Variants in ACACA observed in about 807,000 individuals in gnomAD.
ACACA encodes acetyl-CoA carboxylase 1.
In ACACA, 103 loss-of-function variants were observed where a neutral mutation model predicts 296.1. The ratio of observed to expected loss-of-function variants is 0.35; its 90% CI spans 0.30 to 0.41. ACACA has a LOEUF of 0.41. Ranked by LOEUF, ACACA falls within the 10% of genes least tolerant of loss-of-function variation. The pLI, the probability that ACACA is intolerant of heterozygous loss-of-function variation, is 1.00. For synonymous variants in ACACA, 953 were observed against 1,038.6 expected, an observed-to-expected ratio of 0.92 and a Z score of 1.58; for missense variants, 1,554 against 2,989.7, an observed-to-expected ratio of 0.52 and a Z score of 11.20.
intron 39 of ACACA, among the ~76,000 whole-genome samples, chr17:37,182,224 G>T (rs2144892168): frequency 6.6e-6 from 1 of 152,180 alleles, no homozygotes; most frequent in African/African-American, 2.4e-5. Context: ...AGGCTTCAAA[G>T]ATTTCTGCCA....
At chr17:37,308,919 T>C (rs2084004287) in intron 3 of ACACA, among the ~76,000 whole-genome samples, 1 of 152,082 alleles carries the variant, frequency 6.6e-6, no homozygotes, top group South Asian at 2.1e-4. Flanking sequence ...TAAAATAAAA[T>C]AAAAATGAAA....
At chr17:37,166,066 C>T (rs1455203185) in intron 41 of ACACA, among the ~76,000 whole-genome samples, 3 of 152,162 alleles carry the variant, frequency 2.0e-5, no homozygotes, top group Non-Finnish European at 4.4e-5. Flanking sequence ...TCTAGTGCTT[C>T]CCAGGAACAT....
At chr17:37,250,602 C>T (rs2080939608) in intron 16 of ACACA, among the ~76,000 whole-genome samples, 1 of 152,028 alleles carries the variant, frequency 6.6e-6, no homozygotes, top group Non-Finnish European at 1.5e-5. Context: ...CACGCCACTG[C>T]ACTCCAGCCT....
At chr17:37,175,487 G>A (rs1466629345) in intron 41 of ACACA, among the ~76,000 whole-genome samples, 2 of 152,224 alleles carry the variant, frequency 1.3e-5, no homozygotes, top group Non-Finnish European at 2.9e-5. Context: ...AAGTGGTAAA[G>A]CAGAACTGTT....
At position 37,224,990 on chromosome 17, in the gene ACACA, A is replaced by ATC; in HGVS notation, c.3474+1_3474+2insGA. On this transcript the variant is annotated splice_donor_variant, in intron 27 of 55. Coordinates refer to ENST00000616317, the MANE Select transcript of ACACA (RefSeq NM_198834.3). LOFTEE classifies it high-confidence loss of function. ...GTTATATATATATATATATATATAT[A>ATC]CCTGCAGGTTCTCAATGCAAAATTG... 1 of 1,362,130 alleles carries ATC rather than the reference A, an allele frequency of 7.3e-7. No individual in the cohort carries two copies. The highest frequency in any genetic ancestry group is 1.0e-6 in the Non-Finnish European group (1 of 952,982). 84.4% of individuals were successfully genotyped at this position (1,362,130 alleles called of 1,614,324 possible).
At chr17:37,381,259 C>T (rs1313375865) in intron 1 of ACACA, among the ~76,000 whole-genome samples, 1 of 152,018 alleles carries the variant, frequency 6.6e-6, no homozygotes, top group Non-Finnish European at 1.5e-5. Context: ...GATCTCGTCT[C>T]ACTGCAACCT....
chr17:37,138,497 C>T (rs2075423104), intron 45 of ACACA, among the ~76,000 whole-genome samples: 1 of 152,160 alleles, frequency 6.6e-6, no homozygotes, highest in Non-Finnish European at 1.5e-5. Context: ...CGGTCTAATG[C>T]TTGGAGATTA....
intron 41 of ACACA, among the ~76,000 whole-genome samples, chr17:37,168,632 T>C (rs1227909740): frequency 6.6e-6 from 1 of 152,152 alleles, no homozygotes; most frequent in Non-Finnish European, 1.5e-5. Context: ...ATCTTATTTA[T>C]ATAAAATTTG....
In ACACA at chr17:37,221,507, T is replaced by C. The variant is rs1157959692; in HGVS notation, c.3683+217A>G. 3 of 605,634 alleles carry C rather than the reference T, an allele frequency of 5.0e-6. No homozygotes were observed. The African/African-American group carries it at 5.6e-5, about 11-fold the overall frequency. The allele number at this position is 605,634 out of a possible 1,614,324, so 37.5% of individuals were successfully genotyped here. On this transcript the variant is annotated intron_variant, in intron 29 of 55. Coordinates refer to ENST00000616317, the MANE Select transcript of ACACA (RefSeq NM_198834.3). ...GTGACATAATACAAGCAAGAATGAA[T>C]GGAGTAATCCTAAACTTTCATCTTA...
At chr17:37,363,443 A>C (rs2049491141) in intron 1 of ACACA, among the ~76,000 whole-genome samples, 3 of 151,646 alleles carry the variant, frequency 2.0e-5, no homozygotes, top group Admixed American at 2.0e-4. Flanking sequence ...GGCCTCCCAA[A>C]GTGCTGGGAT....
intron 45 of ACACA, chr17:37,140,963 T>G (rs1386017673): frequency 2.8e-6 from 1 of 351,196 alleles, no homozygotes; most frequent in Non-Finnish European, 5.4e-6. Flanking sequence ...GTGTGGGCCT[T>G]CTTCTCCCAG....
intron 36 of ACACA, 109 bp downstream of exon 36, chr17:37,193,265 A>G (rs2145126937): frequency 4.8e-6 from 4 of 827,356 alleles, no homozygotes; most frequent in East Asian, 5.3e-5. Context: ...CACAAGTTCA[A>G]TAAGAGAAAA....
chr17:37,174,104 G>A (rs76457910), intron 41 of ACACA, among the ~76,000 whole-genome samples: 17,703 of 134,670 alleles, frequency 0.13, 1,801 homozygotes, highest in East Asian at 0.46. Context: ...CAAGTGATCC[G>A]CCGACCTTGG....
At chr17:37,253,393 C>A (rs2081083433) in intron 14 of ACACA, among the ~76,000 whole-genome samples, 1 of 151,010 alleles carries the variant, frequency 6.6e-6, no homozygotes, top group African/African-American at 2.4e-5. Flanking sequence ...CTCTGTCCCC[C>A]CAAAAAAATA....
Position 37,242,240 on chromosome 17 carries a change from A to T in ACACA, c.2932-187T>A, listed in dbSNP as rs893521176. 1.3e-5 allele frequency among the ~76,000 whole-genome samples: 2 copies of T among 152,236 alleles called. 1 individual carries two copies. Among genetic ancestry groups the T allele is most frequent in the Middle Eastern group, 6.8e-3 (2 of 292 alleles). Reference sequence around the variant, plus strand: ...AGAATCACGCTACATAAGCAAGCAGATTTCATCCCTTGTCACCCTTTCCCA... The same window carrying T: ...AGAATCACGCTACATAAGCAAGCAGTTTTCATCCCTTGTCACCCTTTCCCA... On this transcript the variant is annotated intron_variant, in intron 22 of 55. Coordinates refer to ENST00000616317, the MANE Select transcript of ACACA (RefSeq NM_198834.3).
intron 6 of ACACA, 67 bp downstream of exon 6, chr17:37,277,829 A>G: frequency 1.6e-6 from 2 of 1,220,738 alleles, no homozygotes; most frequent in Non-Finnish European, 2.4e-6. Flanking sequence ...TCTTCTCTAG[A>G]TATCCCCTTG....
intron 40 of ACACA, 73 bp from the exon 41 acceptor site, chr17:37,179,479 A>G (rs1394846959): frequency 6.4e-7 from 1 of 1,551,520 alleles, no homozygotes; most frequent in East Asian, 2.3e-5. Flanking sequence ...ATTAAGATTC[A>G]GTCAATCTGG....
intron 55 of ACACA, 94 bp from the exon 56 acceptor site, chr17:37,087,533 G>T: frequency 6.9e-7 from 1 of 1,441,658 alleles, no homozygotes; most frequent in Non-Finnish European, 9.7e-7. Flanking sequence ...TGTGTGCACC[G>T]TCCACTGCAG....
At chr17:37,176,899 C>G (rs542423691) in intron 41 of ACACA, among the ~76,000 whole-genome samples, 12 of 152,258 alleles carry the variant, frequency 7.9e-5, no homozygotes, top group African/African-American at 2.2e-4. Flanking sequence ...TAACTGCTCA[C>G]AAAAGAACAT....
Sources: gnomAD v4.1 joint callset for allele counts (sites outside exome capture counted in the v4.1 genomes callset) on GRCh38, gnomAD v4.1.1 for gene constraint, MANE v1.5 for transcripts, NCBI Gene and HGNC (gene_info 2026-07-23, HGNC 2026-07-21) for gene names.